Variants in LOC400499 observed in about 807,000 individuals in gnomAD.
At chr16:11,474,329 T>C in the LOC400499 span, among the ~76,000 whole-genome samples, 5 of 152,218 alleles carry the variant, frequency 3.3e-5, no homozygotes, top group Non-Finnish European at 7.3e-5. Context: ...GTTTTCATGA[T>C]ATGAGATATT....
chr16:11,473,626 G>A, the LOC400499 span, among the ~76,000 whole-genome samples: 2 of 152,072 alleles, frequency 1.3e-5, no homozygotes, highest in East Asian at 1.9e-4. Context: ...TTGGTGGCAG[G>A]TGCCTGTAGC....
At chr16:11,411,796 A>G in the LOC400499 span, among the ~76,000 whole-genome samples, 4 of 148,300 alleles carry the variant, frequency 2.7e-5, no homozygotes, top group Admixed American at 2.0e-4. Flanking sequence ...CTCACATAGC[A>G]CCCCTCCCCT....
chr16:11,433,747 AC>A, the LOC400499 span, among the ~76,000 whole-genome samples: 4 of 152,192 alleles, frequency 2.6e-5, no homozygotes, highest in African/African-American at 9.7e-5. Context: ...TGATGAAGCC[AC>A]CATAGAAATC....
At chr16:11,391,783 C>G in the LOC400499 span, 1 of 1,232,250 alleles carries the variant, frequency 8.1e-7, no homozygotes, top group Non-Finnish European at 1.0e-6. Context: ...CAACCACTCG[C>G]CTGCATGGCC....
the LOC400499 span, among the ~76,000 whole-genome samples, chr16:11,442,828 G>A: frequency 1.3e-5 from 2 of 152,128 alleles, no homozygotes; most frequent in South Asian, 2.1e-4. Context: ...AAACACCATC[G>A]GGAGCCACTT....
chr16:11,418,085 G>C, the LOC400499 span, among the ~76,000 whole-genome samples: 1 of 152,216 alleles, frequency 6.6e-6, no homozygotes, highest in Non-Finnish European at 1.5e-5. Context: ...GGGCAGGCAG[G>C]GGAGAGTGGG....
chr16:11,411,387 C>A, the LOC400499 span: 1 of 399,114 alleles, frequency 2.5e-6, no homozygotes, highest in Non-Finnish European at 4.4e-6. Context: ...CCAGTGCCCC[C>A]AGGGCCATGT....
chr16:11,515,092 G>T, the LOC400499 span, among the ~76,000 whole-genome samples: 2 of 152,070 alleles, frequency 1.3e-5, no homozygotes, highest in Non-Finnish European at 2.9e-5. Flanking sequence ...GAACGCTTGA[G>T]CTCAGAAGTT....
the LOC400499 span, among the ~76,000 whole-genome samples, chr16:11,512,623 T>C: frequency 6.6e-6 from 1 of 152,066 alleles, no homozygotes. Context: ...AAAATAATAA[T>C]AAAGTTGATT....
the LOC400499 span, chr16:11,491,654 G>A: frequency 3.3e-5 from 9 of 269,400 alleles, no homozygotes; most frequent in Non-Finnish European, 4.8e-5. Context: ...TGCCCTCCCA[G>A]CCCCACCCCT....
chr16:11,390,359 A>G, the LOC400499 span: 3 of 1,234,390 alleles, frequency 2.4e-6, no homozygotes, highest in Non-Finnish European at 3.0e-6. Flanking sequence ...CCGGGCACCC[A>G]GGCCTGCAGC....
the LOC400499 span, among the ~76,000 whole-genome samples, chr16:11,466,045 G>C: frequency 6.6e-6 from 1 of 152,192 alleles, no homozygotes; most frequent in Non-Finnish European, 1.5e-5. Context: ...AAAAACTCAA[G>C]AGTCCTTCAT....
At chr16:11,426,844 C>T in the LOC400499 span, among the ~76,000 whole-genome samples, 1 of 143,046 alleles carries the variant, frequency 7.0e-6, no homozygotes, top group Admixed American at 7.5e-5. Context: ...GATGCTTGAG[C>T]CATGATCATC....
At chr16:11,397,160 C>T in the LOC400499 span, among the ~76,000 whole-genome samples, 3 of 152,198 alleles carry the variant, frequency 2.0e-5, no homozygotes, top group Admixed American at 6.5e-5. Flanking sequence ...CTCCCTGCAC[C>T]TAGAACACAG....
At chr16:11,493,388 T>C in the LOC400499 span, among the ~76,000 whole-genome samples, 1 of 152,204 alleles carries the variant, frequency 6.6e-6, no homozygotes, top group African/African-American at 2.4e-5. Context: ...CCATGGCCCG[T>C]AGTCTGCCAA....
chr16:11,407,183 G>C, the LOC400499 span: 1 of 398,988 alleles, frequency 2.5e-6, no homozygotes, highest in Non-Finnish European at 4.4e-6. Context: ...TCCGGCCCTG[G>C]GCTGACCTCC....
the LOC400499 span, among the ~76,000 whole-genome samples, chr16:11,420,282 A>G: frequency 7.9e-5 from 12 of 152,050 alleles, no homozygotes; most frequent in African/African-American, 2.9e-4. Flanking sequence ...TGATGAGTTC[A>G]TGTCCTTTGT....
chr16:11,516,243 GA>G, the LOC400499 span: 1 of 399,650 alleles, frequency 2.5e-6, no homozygotes, highest in East Asian at 3.6e-5. Flanking sequence ...GTGGGATGGG[GA>G]CACAGGTGGG....
chr16:11,442,913 C>T, the LOC400499 span, among the ~76,000 whole-genome samples: 683 of 152,226 alleles, frequency 4.5e-3, 8 homozygotes, highest in East Asian at 0.036. Context: ...ACCTTATCCC[C>T]GGGGAGCCAC....
Sources: allele counts gnomAD v4.1 joint callset (sites outside exome capture counted in the v4.1 genomes callset), GRCh38; gene constraint gnomAD v4.1.1; transcripts MANE v1.5.